The following CAMK2B variants were observed in gnomAD, a reference collection of about 807,000 sequenced individuals.
CAMK2B encodes the protein calcium/calmodulin-dependent protein kinase type II subunit beta.
CAMK2B carries 27 observed loss-of-function variants against 93.7 expected under a neutral mutation model. That is an observed-to-expected ratio of 0.29 (90% confidence interval 0.21 to 0.40). The LOEUF (loss-of-function observed/expected upper bound fraction) is 0.40. Ranked by LOEUF, CAMK2B falls within the 10% of genes least tolerant of loss-of-function variation. The pLI, the probability that CAMK2B is intolerant of heterozygous loss-of-function variation, is 1.00. For synonymous variants in CAMK2B, 374 were observed against 358.8 expected (o/e 1.04, Z -0.48); for missense variants, 568 against 895.8 (o/e 0.63, Z 4.67).
chr7:44,251,636 C>T (rs2096781789), intron 5 of CAMK2B, among the ~76,000 whole-genome samples: 1 of 152,170 alleles, frequency 6.6e-6, no homozygotes, highest in Non-Finnish European at 1.5e-5. Context: ...TGCCCCCTCG[C>T]TCCCCACAGT....
chr7:44,241,602 C>T, intron 11 of CAMK2B, 98 bp downstream of exon 11: 1 of 879,736 alleles, frequency 1.1e-6, no homozygotes, highest in Non-Finnish European at 1.9e-6. Flanking sequence ...GCAGCAGTAA[C>T]CCCTAGGTCT....
rs191412689 is a variant in CAMK2B, at chr7:44,249,233, C to T, written c.342-2041G>A. Among the ~76,000 whole-genome samples, 38 of 152,350 alleles carry T rather than the reference C, an allele frequency of 2.5e-4. 1 individual carries two copies. Among genetic ancestry groups the T allele is most frequent in the Admixed American group, 2.1e-3 (32 of 15,306 alleles). Reference sequence around the variant, plus strand: ...ATGGCCAACTGTGTCCTGCCAAGGCCTGTGAGCCTAAGCATGGCTGGCTGG... The same window carrying T: ...ATGGCCAACTGTGTCCTGCCAAGGCTTGTGAGCCTAAGCATGGCTGGCTGG... On this transcript the variant is annotated intron_variant, in intron 5 of 23. Transcript: ENST00000395749.
intron 2 of CAMK2B, among the ~76,000 whole-genome samples, chr7:44,280,484 G>C (rs1219291355): frequency 2.0e-5 from 3 of 152,254 alleles, no homozygotes; most frequent in Admixed American, 6.5e-5. Flanking sequence ...GGCCCGAGGT[G>C]GGTGGGGGTG....
At chr7:44,267,523 A>G (rs1188194964) in intron 2 of CAMK2B, among the ~76,000 whole-genome samples, 1 of 152,040 alleles carries the variant, frequency 6.6e-6, no homozygotes, top group Non-Finnish European at 1.5e-5. Flanking sequence ...TGCACCCTAA[A>G]CGGAGGCAAG....
At chr7:44,258,730 G>A (rs899075206) in intron 4 of CAMK2B, 142 bp downstream of exon 4, 3 of 725,662 alleles carry the variant, frequency 4.1e-6, no homozygotes, top group Non-Finnish European at 7.3e-6. Flanking sequence ...CTTGGAGCAA[G>A]GGGACCAGCA....
chr7:44,246,064 C>G (rs1174999867), intron 6 of CAMK2B, among the ~76,000 whole-genome samples: 1 of 152,194 alleles, frequency 6.6e-6, no homozygotes, highest in Non-Finnish European at 1.5e-5. Context: ...GACCAACCTT[C>G]TTCCGAACAC....
Position 44,248,432 on chromosome 7 carries a change from C to A in CAMK2B, c.342-1240G>T, listed in dbSNP as rs1336498016. Reference sequence around the variant, plus strand: ...CCCAACACAAGCCCTTCCCCAGGGACAGCTCCACAATGCAGGGTGATAGCA... The same window carrying A: ...CCCAACACAAGCCCTTCCCCAGGGAAAGCTCCACAATGCAGGGTGATAGCA... On this transcript the variant is annotated intron_variant, in intron 5 of 23. Coordinates refer to ENST00000395749, the MANE Select transcript of CAMK2B (RefSeq NM_001220.5). The surrounding 1 kb of genome is among the most constrained non-coding windows in gnomAD (Gnocchi z 4.1). Among the ~76,000 whole-genome samples the A allele has an allele frequency of 3.3e-5, 5 of 152,156 alleles. No homozygotes were observed. The highest frequency in any genetic ancestry group is 3.3e-4 in the Admixed American group (5 of 15,284).
Position 44,284,192 on chromosome 7 carries a change from C to T in CAMK2B, c.99G>A (p.Lys33=), listed in dbSNP as rs1206746411. The T allele has an allele frequency of 1.2e-6, 2 of 1,613,768 alleles. No individual in the cohort carries two copies. The highest frequency in any genetic ancestry group is 4.5e-5 in the East Asian group (2 of 44,882). The change falls in exon 2 of 24, where the codon AAG becomes AAA. Residue 33 remains lysine (K), a synonymous_variant. Coordinates refer to ENST00000395749, the MANE Select transcript of CAMK2B (RefSeq NM_001220.5). ...GAFSVVRRCV[K]LCTGHEYAAK... is the part of the protein sequence containing the mutation. The stretch of plus-strand genomic sequence containing the variant: ...CTGCATACTCATGGCCGGTGCAGAG[C>T]TTGACACAGCGTCGGACCACAGAGA...
intron 1 of CAMK2B, among the ~76,000 whole-genome samples, chr7:44,299,483 T>C (rs538541682): frequency 1.3e-5 from 2 of 152,348 alleles, no homozygotes; most frequent in South Asian, 2.1e-4. Flanking sequence ...AATGTGAATA[T>C]ACATAATGTT....
intron 5 of CAMK2B, among the ~76,000 whole-genome samples, chr7:44,253,720 C>T (rs2096802648): frequency 6.6e-6 from 1 of 152,156 alleles, no homozygotes; most frequent in African/African-American, 2.4e-5. Flanking sequence ...ATCTCAGCTT[C>T]CCAAGTGGCT....
intron 2 of CAMK2B, among the ~76,000 whole-genome samples, chr7:44,273,819 C>T (rs1398955872): frequency 6.6e-6 from 1 of 152,216 alleles, no homozygotes. Context: ...GAGTGGACAG[C>T]TGCCCGGAGG....
At chr7:44,250,028 C>T (rs935464962) in intron 5 of CAMK2B, among the ~76,000 whole-genome samples, 33 of 152,336 alleles carry the variant, frequency 2.2e-4, no homozygotes, top group African/African-American at 7.2e-4. Context: ...GAGATCAAGT[C>T]CGCCCCATCC....
chr7:44,243,533 G>A lies in CAMK2B; in HGVS notation c.415-6C>T. 6.2e-7 allele frequency: 1 copy of A among 1,612,674 alleles called. No individual in the cohort carries two copies. Among genetic ancestry groups the A allele is most frequent in the Non-Finnish European group, 8.5e-7 (1 of 1,178,940 alleles). On this transcript the variant is annotated splice_polypyrimidine_tract_variant and splice_region_variant and intron_variant, in intron 6 of 23. Transcript: ENST00000395749. ...GCCAGAAGCAGGTTCTCCGGCTGCAGGGAGGTGACCGGCACAAGGGTGCAT... is the reference window on the plus strand; with the variant it reads ...GCCAGAAGCAGGTTCTCCGGCTGCAAGGAGGTGACCGGCACAAGGGTGCAT...
rs758417712 is a variant in CAMK2B at position 44,263,029 on chromosome 7, G to A, written c.196C>T (p.Arg66Cys). The change falls in exon 3 of 24, where the codon CGC (arginine) becomes TGC (cysteine). Residue 66 changes from arginine (R) to cysteine (C), a missense_variant. Around this residue, in one of 4 missense-constraint regions of CAMK2B, gnomAD observed 105 missense variants for 372.4 expected, o/e 0.28. Coordinates refer to ENST00000395749, the MANE Select transcript of CAMK2B (RefSeq NM_001220.5). ...CCGATGTTGGAATGCTTCAGAAGGC[G>A]GCAGATCCGAGCCTCTCTCTCCAGC... The part of the protein sequence containing the change: ...QKLEREARIC[R>C]LLKHSNIVRL... The A allele has an allele frequency of 4.3e-6, 7 of 1,613,380 alleles. No individual in the cohort carries two copies. Among genetic ancestry groups the A allele is most frequent in the East Asian group, 2.2e-5 (1 of 44,890 alleles).
intron 20 of CAMK2B, among the ~76,000 whole-genome samples, chr7:44,221,628 C>G (rs1057337901): frequency 2.0e-5 from 3 of 152,234 alleles, no homozygotes; most frequent in African/African-American, 7.2e-5. Context: ...TGCTTGCAGT[C>G]CGGGGCCCAC....
At chr7:44,247,376 A>G (rs1310397664) in intron 5 of CAMK2B, 184 bp from the exon 6 acceptor site, 5 of 632,914 alleles carry the variant, frequency 7.9e-6, no homozygotes, top group Non-Finnish European at 1.4e-5. Context: ...AAGGCCAGCA[A>G]CTCTGGCCCT....
intron 12 of CAMK2B, among the ~76,000 whole-genome samples, chr7:44,239,993 A>C (rs984714820): frequency 1.3e-5 from 2 of 152,194 alleles, no homozygotes; most frequent in Non-Finnish European, 2.9e-5. Context: ...ACAGCATCAC[A>C]GCAAAAGTAA....
In CAMK2B at chr7:44,281,131, G is replaced by A. The variant is rs969183024; in HGVS notation, c.160+3000C>T. 7.2e-5 allele frequency among the ~76,000 whole-genome samples: 11 copies of A among 152,328 alleles called. No individual in the cohort carries two copies. In the South Asian group the frequency reaches 1.2e-3, roughly 17 times the overall value. On this transcript the variant is annotated intron_variant, in intron 2 of 23. Coordinates refer to ENST00000395749, the MANE Select transcript of CAMK2B (RefSeq NM_001220.5). Reference sequence around the variant, plus strand: ...ACCAAGCCGTGCACACAGCAACCACGCGGGAGGCGCTGGCTTTAACATGAC... The same window carrying A: ...ACCAAGCCGTGCACACAGCAACCACACGGGAGGCGCTGGCTTTAACATGAC...
At chr7:44,232,546 G>A (rs959129432) in intron 16 of CAMK2B, among the ~76,000 whole-genome samples, 6 of 152,212 alleles carry the variant, frequency 3.9e-5, no homozygotes, top group East Asian at 1.9e-4. Flanking sequence ...ACTGCCTGCC[G>A]TAGGTGGGAC....
Sources: allele counts gnomAD v4.1 joint callset (sites outside exome capture counted in the v4.1 genomes callset), GRCh38; gene constraint gnomAD v4.1.1; regional missense constraint gnomAD v4.1.1; non-coding constraint Gnocchi (gnomAD v3.1); transcripts MANE v1.5; gene names NCBI Gene and HGNC (gene_info 2026-07-23, HGNC 2026-07-21).